The following SRP54 variants were observed in gnomAD, a reference collection of about 807,000 sequenced individuals.
SRP54 encodes signal recognition particle subunit SRP54.
Under a neutral mutation model 64.8 loss-of-function variants are expected in SRP54, and 10 were observed. The observed-to-expected ratio is 0.15, with a 90% CI of 0.10 to 0.26. The LOEUF (loss-of-function observed/expected upper bound fraction) is 0.26. Among genes scored for constraint, SRP54 ranks in the 10% least tolerant of loss-of-function variants. The probability of loss-of-function intolerance (pLI) is 1.00; values close to 1 mark genes in which losing one functional copy is unlikely to be tolerated. For synonymous variants in SRP54, 193 were observed against 185.6 expected (o/e 1.04, Z -0.32); for missense variants, 325 against 613.7 (o/e 0.53, Z 4.97).
intron 1 of SRP54, among the ~76,000 whole-genome samples, chr14:34,988,578 A>ATATATATATATAT (rs1555352767): frequency 3.6e-4 from 17 of 47,092 alleles, no homozygotes; most frequent in African/African-American, 1.1e-3. Flanking sequence ...AAAAAAAAAA[A>ATATATATATATAT]ATATATATAT....
At chr14:35,002,737 C>CTTTTT (rs71121258) in intron 4 of SRP54, among the ~76,000 whole-genome samples, 1 of 94,986 alleles carries the variant, frequency 1.1e-5, no homozygotes, top group Non-Finnish European at 2.0e-5. Flanking sequence ...GCCTGGCCTC[C>CTTTTT]TTTTTTTTTT....
chr14:35,025,969 T>G (rs143829660), intron 14 of SRP54, among the ~76,000 whole-genome samples: 182 of 148,350 alleles, frequency 1.2e-3, no homozygotes, highest in African/African-American at 4.4e-3. Flanking sequence ...GGCAGGAGGA[T>G]CCCATGAGCC....
chr14:35,011,838 C>T (rs1219441053), intron 8 of SRP54, among the ~76,000 whole-genome samples, 179 bp downstream of exon 8: 1 of 152,090 alleles, frequency 6.6e-6, no homozygotes, highest in Non-Finnish European at 1.5e-5. Flanking sequence ...TATTTTTGTT[C>T]TCCATTAAAT....
At chr14:35,003,882 C>A (rs552214130) in intron 4 of SRP54, among the ~76,000 whole-genome samples, 2 of 150,560 alleles carry the variant, frequency 1.3e-5, no homozygotes, top group African/African-American at 4.9e-5. Context: ...TGCAGTGAGC[C>A]GAGACCACGC....
chr14:34,988,597 C>CATATATATATAT (rs1207004558), intron 1 of SRP54, among the ~76,000 whole-genome samples: 1 of 77,922 alleles, frequency 1.3e-5, no homozygotes, highest in Non-Finnish European at 3.1e-5. Context: ...ATATATATAA[C>CATATATATATAT]ATATATATAT....
chr14:34,998,766 T>A (rs549388411), intron 2 of SRP54, among the ~76,000 whole-genome samples: 1 of 150,678 alleles, frequency 6.6e-6, no homozygotes, highest in African/African-American at 2.4e-5. Context: ...TGAGCCGAGA[T>A]CACGCCATTG....
At chr14:35,026,537 A>G (rs2044628853) in intron 14 of SRP54, among the ~76,000 whole-genome samples, 1 of 152,162 alleles carries the variant, frequency 6.6e-6, no homozygotes, top group Non-Finnish European at 1.5e-5. Flanking sequence ...CCCAGGCTGC[A>G]TCTCTTTCAT....
chr14:35,013,523 G>A, intron 9 of SRP54, 29 bp downstream of exon 9: 1 of 1,604,878 alleles, frequency 6.2e-7, no homozygotes, highest in South Asian at 1.1e-5. Flanking sequence ...GTTGTCCTCT[G>A]TCTTGGGATT....
intron 4 of SRP54, among the ~76,000 whole-genome samples, chr14:35,002,359 A>G (rs545120245): frequency 6.6e-5 from 10 of 152,232 alleles, no homozygotes; most frequent in Admixed American, 2.6e-4. Flanking sequence ...GTCTTTAAAA[A>G]AAAACAAACA....
At chr14:34,984,658 C>A (rs777713095) in intron 1 of SRP54, among the ~76,000 whole-genome samples, 8 of 152,156 alleles carry the variant, frequency 5.3e-5, no homozygotes, top group South Asian at 4.1e-4. Flanking sequence ...CCTGCCACCA[C>A]GCCCAGCTAA....
intron 1 of SRP54, among the ~76,000 whole-genome samples, chr14:34,985,721 A>G (rs1475165766): frequency 6.6e-6 from 1 of 152,218 alleles, no homozygotes; most frequent in Non-Finnish European, 1.5e-5. Context: ...CTTGCTGCAC[A>G]TCAATATAGC....
chr14:34,990,189 A>G (rs1019515712), intron 1 of SRP54, among the ~76,000 whole-genome samples: 4 of 152,170 alleles, frequency 2.6e-5, no homozygotes, highest in Non-Finnish European at 5.9e-5. Flanking sequence ...CAGTCCTTGT[A>G]TGTACTGGTC....
intron 15 of SRP54, 29 bp from the exon 16 acceptor site, chr14:35,029,032 T>C (rs749761857): frequency 6.4e-7 from 1 of 1,571,248 alleles, no homozygotes; most frequent in South Asian, 1.1e-5. Flanking sequence ...TTCTCTGTTT[T>C]TAACTCTACT....
intron 1 of SRP54, 109 bp from the exon 2 acceptor site, chr14:34,996,568 T>C (rs2044076051): frequency 7.9e-6 from 5 of 630,414 alleles, no homozygotes; most frequent in South Asian, 2.0e-5. Context: ...TGGAAGGTGA[T>C]CTTACAGTAT....
intron 14 of SRP54, among the ~76,000 whole-genome samples, chr14:35,025,161 A>AT (rs1228522625): frequency 4.6e-5 from 7 of 152,044 alleles, no homozygotes; most frequent in African/African-American, 1.7e-4. Context: ...CCTCTTTTTG[A>AT]TTTTTTTCTA....
chr14:35,023,787 AACACACACACACACACACAC>A (rs57037784), intron 14 of SRP54, among the ~76,000 whole-genome samples: 3 of 140,370 alleles, frequency 2.1e-5, no homozygotes, highest in Non-Finnish European at 3.1e-5. Flanking sequence ...CCGGTCCCCA[AACACACACACACACACACAC>A]ACACACACAC....
chr14:35,017,282 C>G lies in SRP54; in HGVS notation c.974-1410C>G, dbSNP rs2044459096. On this transcript the variant is annotated intron_variant, in intron 11 of 15. Transcript: ENST00000216774. ...TCCTTAAGTCTCTACATTTTTGTTT[C>G]TATTTCTAATATTCTACTCATTCTG... 3.3e-5 allele frequency among the ~76,000 whole-genome samples: 5 copies of G among 152,128 alleles called. No homozygotes were observed. In the South Asian group the frequency reaches 1.0e-3, roughly 32 times the overall value.
In SRP54 at chr14:35,020,434, G is replaced by A. The variant is rs2044510327; in HGVS notation, c.1156+1360G>A. On this transcript the variant is annotated intron_variant, in intron 13 of 15. Coordinates refer to ENST00000216774, the MANE Select transcript of SRP54 (RefSeq NM_003136.4). ...TTCTCTGTAGTATTCGATGCTGTTC[G>A]ATAGCATTTTACCCACAGTAGAACG... Among the ~76,000 whole-genome samples the A allele has an allele frequency of 4.6e-5, 7 of 152,270 alleles. 1 individual carries two copies. The South Asian group carries it at 1.2e-3, about 27-fold the overall frequency.
At position 35,027,957 on chromosome 14, in the gene SRP54, T is replaced by C. The variant is rs973214386; in HGVS notation, c.1328-131T>C. 6.2e-6 allele frequency: 3 copies of C among 486,544 alleles called. No homozygotes were observed. In the Admixed American group the frequency reaches 1.1e-4, roughly 18 times the overall value. The allele number at this position is 486,544 out of a possible 1,614,324, so 30.1% of individuals were successfully genotyped here. A position where few individuals can be genotyped will look rare whatever the true frequency, so the allele number is the denominator to read the frequency against. ...GAATATGTAGAAATAGAAAGAATTA[T>C]GTTAGAGTGATAGGATTATGTAATT... On this transcript the variant is annotated intron_variant, in intron 14 of 15. Coordinates refer to ENST00000216774, the MANE Select transcript of SRP54 (RefSeq NM_003136.4).
Sources: gnomAD v4.1 joint callset for allele counts (sites outside exome capture counted in the v4.1 genomes callset) on GRCh38, gnomAD v4.1.1 for gene constraint, MANE v1.5 for transcripts, NCBI Gene and HGNC (gene_info 2026-07-23, HGNC 2026-07-21) for gene names.